ITGB3BP: variants seen among roughly 807,000 people sequenced by gnomAD.
ITGB3BP encodes centromere protein R.
ITGB3BP carries 27 observed loss-of-function variants against 29.1 expected under a neutral mutation model. The ratio of observed to expected loss-of-function variants is 0.93; its 90% CI spans 0.68 to 1.28. The LOEUF (loss-of-function observed/expected upper bound fraction) is 1.28, where lower values mean the gene tolerates loss of function less well. ITGB3BP is among the 50% of genes most tolerant of loss of function. The pLI is 0.00. For synonymous variants in ITGB3BP, 61 were observed against 61.4 expected (o/e 0.99, Z 0.03); for missense variants, 192 against 200.2 (o/e 0.96, Z 0.25).
At chr1:63,475,347 G>A (rs1023875281) in intron 4 of ITGB3BP, among the ~76,000 whole-genome samples, 2 of 152,144 alleles carry the variant, frequency 1.3e-5, no homozygotes, top group Non-Finnish European at 2.9e-5. Flanking sequence ...CTTTAGCCCA[G>A]GAGTGCAAGT....
At chr1:63,491,742 A>G (rs1473716678) in intron 2 of ITGB3BP, among the ~76,000 whole-genome samples, 1 of 152,162 alleles carries the variant, frequency 6.6e-6, no homozygotes, top group Non-Finnish European at 1.5e-5. Flanking sequence ...AATGAAAGGC[A>G]TTGTTTATTT....
intron 4 of ITGB3BP, among the ~76,000 whole-genome samples, chr1:63,475,010 G>A (rs183606911): frequency 2.0e-5 from 3 of 152,212 alleles, no homozygotes; most frequent in Admixed American, 1.3e-4. Flanking sequence ...GGTCTCACCC[G>A]GTCGCTTAGG....
Position 63,451,170 on chromosome 1 carries a change from G to A in ITGB3BP, c.484+2748C>T, listed in dbSNP as rs186347879. Among the ~76,000 whole-genome samples, 14 of 151,614 alleles carry A rather than the reference G, an allele frequency of 9.2e-5. No individual in the cohort carries two copies. The East Asian group carries it at 2.5e-3, about 27-fold the overall frequency. On this transcript the variant is annotated intron_variant, in intron 7 of 8. Transcript: ENST00000271002. ...GGTATTGTCTATTTTAACTATTCCA[G>A]GAAAATTTTTTAAGAATCTGAAAGA...
intron 8 of ITGB3BP, among the ~76,000 whole-genome samples, chr1:63,441,864 A>G (rs866650787): frequency 6.6e-6 from 1 of 152,114 alleles, no homozygotes; most frequent in Non-Finnish European, 1.5e-5. Context: ...TCTGTGAGAG[A>G]AAGCCCTTGA....
intron 1 of ITGB3BP, among the ~76,000 whole-genome samples, chr1:63,513,911 C>T (rs1646254899): frequency 1.3e-5 from 2 of 152,148 alleles, no homozygotes; most frequent in South Asian, 4.1e-4. Context: ...TTACATATAG[C>T]AAGCAGCACA....
At chr1:63,521,660 T>C (rs1365691658) in intron 1 of ITGB3BP, among the ~76,000 whole-genome samples, 1 of 152,018 alleles carries the variant, frequency 6.6e-6, no homozygotes, top group East Asian at 1.9e-4. Context: ...AGGGAGACAC[T>C]GTCTTTACAA....
chr1:63,443,235 C>T (rs1488914180), intron 8 of ITGB3BP: 3 of 152,158 alleles, frequency 2.0e-5, no homozygotes. Context: ...CATTCACATC[C>T]TCCCTTACGC....
chr1:63,486,120 T>G (rs991651659), intron 3 of ITGB3BP, among the ~76,000 whole-genome samples: 3 of 152,078 alleles, frequency 2.0e-5, no homozygotes, highest in African/African-American at 7.2e-5. Flanking sequence ...CATTCTCCTT[T>G]TATCTCTCTG....
intron 1 of ITGB3BP, among the ~76,000 whole-genome samples, chr1:63,522,148 C>A (rs1207207480): frequency 6.6e-6 from 1 of 152,090 alleles, no homozygotes; most frequent in Non-Finnish European, 1.5e-5. Flanking sequence ...TAATAGCAGC[C>A]CCCATCCCCT....
chr1:63,441,333 G>A (rs922462268), intron 8 of ITGB3BP, among the ~76,000 whole-genome samples: 3 of 152,086 alleles, frequency 2.0e-5, no homozygotes, highest in Non-Finnish European at 4.4e-5. Flanking sequence ...TGCCTCCCGT[G>A]TTCAAGTGAT....
At position 63,461,525 on chromosome 1, in the gene ITGB3BP, A is replaced by G. The variant is rs78439085; in HGVS notation, c.255-6557T>C. ...ATTGTGCTTTTGGTGTTGTTATATA[A>G]GAATCTATCAACAAATTCAAGGTCA... On this transcript the variant is annotated intron_variant, in intron 4 of 8. Transcript: ENST00000271002. 3.5e-3 allele frequency among the ~76,000 whole-genome samples: 534 copies of G among 152,320 alleles called. 3 individuals are homozygous for G. The highest frequency in any genetic ancestry group is 0.012 in the African/African-American group (518 of 41,574).
chr1:63,468,451 G>A (rs930007342), intron 4 of ITGB3BP, among the ~76,000 whole-genome samples: 2 of 152,220 alleles, frequency 1.3e-5, no homozygotes, highest in African/African-American at 4.8e-5. Flanking sequence ...TCTGCAGCTG[G>A]GCACGGTGGC....
chr1:63,492,268 T>A (rs1488089879), intron 2 of ITGB3BP, among the ~76,000 whole-genome samples: 1 of 152,038 alleles, frequency 6.6e-6, no homozygotes, highest in Non-Finnish European at 1.5e-5. Context: ...TCTTTTTTTA[T>A]TTTTTTGGTC....
At position 63,510,134 on chromosome 1, in the gene ITGB3BP, G is replaced by T; in HGVS notation, c.6-1564C>A. 3 of 627,544 alleles carry T rather than the reference G, an allele frequency of 4.8e-6. No individual in the cohort carries two copies. In the South Asian group the frequency reaches 5.2e-5, roughly 11 times the overall value. 38.9% of individuals were successfully genotyped at this position (627,544 alleles called of 1,614,324 possible). ...GAACGCGGGAAGCAGATGTTGCAGTGAACGGAAATCGTGCCATTGCACTCT... is the reference window on the plus strand; with the variant it reads ...GAACGCGGGAAGCAGATGTTGCAGTTAACGGAAATCGTGCCATTGCACTCT... On this transcript the variant is annotated intron_variant, in intron 1 of 8. Coordinates refer to ENST00000271002, the MANE Select transcript of ITGB3BP (RefSeq NM_014288.5).
intron 4 of ITGB3BP, among the ~76,000 whole-genome samples, chr1:63,472,268 A>G (rs958731435): frequency 7.9e-5 from 12 of 151,816 alleles, no homozygotes; most frequent in African/African-American, 2.2e-4. Flanking sequence ...CACTGAATCT[A>G]CAGTGACTCC....
At chr1:63,525,952 A>G (rs1242124324), upstream of ITGB3BP, among the ~76,000 whole-genome samples, 1 of 152,204 alleles carries the variant, frequency 6.6e-6, no homozygotes, top group Non-Finnish European at 1.5e-5. Flanking sequence ...AAAACTTTCA[A>G]TGTTTATACA....
At chr1:63,471,728 T>G (rs1645200798) in intron 4 of ITGB3BP, among the ~76,000 whole-genome samples, 2 of 152,206 alleles carry the variant, frequency 1.3e-5, no homozygotes. Context: ...TAAATGAAGG[T>G]ATCTGTTAAA....
Position 63,490,111 on chromosome 1 carries a change from C to T in ITGB3BP, c.156G>A (p.Glu52=), listed in dbSNP as rs1645614487. Residue 52 remains glutamate, a synonymous_variant, in exon 3 of 9, where the codon GAG becomes GAA. Transcript: ENST00000271002. Reference sequence around the variant, plus strand: ...TTGATAGTCCATTTCTGTGCTTTTGCTCTTCAGAACTTGTGGGAGAAGCAA... The same window carrying T: ...TTGATAGTCCATTTCTGTGCTTTTGTTCTTCAGAACTTGTGGGAGAAGCAA... ...SLFASPTSSE[E]QKHRNGLSNE... 1 of 1,611,206 alleles carries T rather than the reference C, an allele frequency of 6.2e-7. No homozygotes were observed. Among genetic ancestry groups the T allele is most frequent in the Non-Finnish European group, 8.5e-7 (1 of 1,178,448 alleles).
intron 2 of ITGB3BP, among the ~76,000 whole-genome samples, chr1:63,499,317 T>C (rs1202905933): frequency 5.3e-5 from 8 of 152,010 alleles, no homozygotes; most frequent in Admixed American, 4.6e-4. Context: ...GCCTGGCTAA[T>C]TTTGTATTTT....
Sources: allele counts gnomAD v4.1 joint callset (sites outside exome capture counted in the v4.1 genomes callset), GRCh38; gene constraint gnomAD v4.1.1; transcripts MANE v1.5; gene names NCBI Gene and HGNC (gene_info 2026-07-23, HGNC 2026-07-21).